FAM3B: variants seen among roughly 807,000 people sequenced by gnomAD.
FAM3B encodes the protein protein FAM3B.
In FAM3B, 29 loss-of-function variants were observed where a neutral mutation model predicts 28.4. The ratio of observed to expected loss-of-function variants is 1.02; its 90% CI spans 0.76 to 1.39. FAM3B has a LOEUF of 1.39. FAM3B is among the 40% of genes most tolerant of loss of function. The pLI is 0.00. For synonymous variants in FAM3B, 91 were observed against 103.0 expected, an observed-to-expected ratio of 0.88 and a Z score of 0.71; for missense variants, 266 against 293.9, an observed-to-expected ratio of 0.91 and a Z score of 0.69.
At chr21:41,352,248 T>C (rs1297260520) in intron 7 of FAM3B, among the ~76,000 whole-genome samples, 1 of 152,198 alleles carries the variant, frequency 6.6e-6, no homozygotes, top group Non-Finnish European at 1.5e-5. Flanking sequence ...CGTCTTTATA[T>C]TCCTGCTGTA....
At chr21:41,305,884 A>T (rs1466609421) in intron 1 of FAM3B, among the ~76,000 whole-genome samples, 1 of 152,226 alleles carries the variant, frequency 6.6e-6, no homozygotes, top group East Asian at 1.9e-4. Flanking sequence ...AGTTTGCCAC[A>T]TCAATTGACA....
rs750575195 is a variant in FAM3B at position 41,348,615 on chromosome 21, C to T, written c.509C>T (p.Ala170Val). 1 of 1,614,140 alleles carries T rather than the reference C, an allele frequency of 6.2e-7. No homozygotes were observed. The highest frequency in any genetic ancestry group is 1.3e-5 in the African/African-American group (1 of 75,030). The change falls in exon 7 of 8, where the codon GCC becomes GTC. Residue 170 changes from alanine to valine, a missense_variant. By Grantham distance (64) the Ala-to-Val change is moderately conservative (BLOSUM62 0). Coordinates refer to ENST00000357985, the MANE Select transcript of FAM3B (RefSeq NM_058186.4). Reference protein sequence around the residue: ...STRLNNDAKNAIEALGSKEIR... With the variant: ...STRLNNDAKNVIEALGSKEIR... ...AGACTGAATAACGATGCCAAGAATG[C>T]CATAGAAGCACTTGGAAGTAAAGAA...
intron 1 of FAM3B, among the ~76,000 whole-genome samples, chr21:41,322,362 A>C (rs947743102): frequency 6.6e-6 from 1 of 152,178 alleles, no homozygotes; most frequent in African/African-American, 2.4e-5. Flanking sequence ...ATCCGGGATG[A>C]TAGAACAGGT....
chr21:41,332,958 T>G (rs1381147739), intron 2 of FAM3B, among the ~76,000 whole-genome samples: 1 of 152,138 alleles, frequency 6.6e-6, no homozygotes, highest in Non-Finnish European at 1.5e-5. Flanking sequence ...TGTTGTCATT[T>G]TTTTCATTCT....
intron 7 of FAM3B, among the ~76,000 whole-genome samples, chr21:41,356,536 C>A (rs1243703965): frequency 6.6e-6 from 1 of 152,166 alleles, no homozygotes; most frequent in Non-Finnish European, 1.5e-5. Flanking sequence ...ACCTCCTTTG[C>A]ACCATTGTAA....
At chr21:41,324,172 C>T (rs1238056901) in intron 2 of FAM3B, among the ~76,000 whole-genome samples, 1 of 152,218 alleles carries the variant, frequency 6.6e-6, no homozygotes, top group African/African-American at 2.4e-5. Flanking sequence ...GTCCACAGCA[C>T]ATGAGTTGCA....
chr21:41,344,823 G>A (rs377675151), intron 4 of FAM3B, among the ~76,000 whole-genome samples: 3 of 152,218 alleles, frequency 2.0e-5, no homozygotes, highest in African/African-American at 4.8e-5. Context: ...CGCCAAGGGG[G>A]TGCAGCCTGT....
chr21:41,348,472 G>A, intron 6 of FAM3B, 120 bp from the exon 7 acceptor site: 1 of 1,086,706 alleles, frequency 9.2e-7, no homozygotes, highest in Non-Finnish European at 1.4e-6. Context: ...ACTGCAGCAG[G>A]AGATGAATGT....
At chr21:41,324,809 T>C (rs188953018) in intron 2 of FAM3B, among the ~76,000 whole-genome samples, 50 of 152,032 alleles carry the variant, frequency 3.3e-4, no homozygotes, top group Admixed American at 9.8e-4. Context: ...TGAACAAAAA[T>C]ATGCATTTGG....
In FAM3B at chr21:41,347,703, A is replaced by C. The variant is rs552174735; in HGVS notation, c.485+603A>C. Among the ~76,000 whole-genome samples, 31 of 149,482 alleles carry C rather than the reference A, an allele frequency of 2.1e-4. 2 individuals are homozygous for C. Among genetic ancestry groups the C allele is most frequent in the African/African-American group, 7.4e-4 (30 of 40,790 alleles). The stretch of plus-strand genomic sequence containing the variant: ...AGGAGGCGGAAGTTGCAGTGAGCCA[A>C]GATTGCACCACTGCACTCCAGCCCG... On this transcript the variant is annotated intron_variant, in intron 6 of 7. Transcript: ENST00000357985.
chr21:41,347,649 A>C (rs2089075185), intron 6 of FAM3B, among the ~76,000 whole-genome samples: 1 of 150,132 alleles, frequency 6.7e-6, no homozygotes, highest in Admixed American at 6.7e-5. Context: ...GCTACTCAGG[A>C]GGCTGAGGCA....
At chr21:41,341,687 T>A (rs1443923811) in intron 3 of FAM3B, among the ~76,000 whole-genome samples, 1 of 152,278 alleles carries the variant, frequency 6.6e-6, no homozygotes. Flanking sequence ...CATTGCTGTA[T>A]GATACTGCAT....
intron 3 of FAM3B, among the ~76,000 whole-genome samples, chr21:41,338,869 G>GT (rs2088979431): frequency 6.6e-6 from 1 of 152,224 alleles, no homozygotes; most frequent in African/African-American, 2.4e-5. Flanking sequence ...TGTGGGGCAC[G>GT]TGGGGGCATG....
At chr21:41,347,535 A>C (rs946698457) in intron 6 of FAM3B, among the ~76,000 whole-genome samples, 5 of 152,176 alleles carry the variant, frequency 3.3e-5, no homozygotes, top group Admixed American at 6.5e-5. Flanking sequence ...CAGGCGGATC[A>C]CGAGGTCAAG....
chr21:41,322,526 C>G, intron 1 of FAM3B: 1 of 705,868 alleles, frequency 1.4e-6, no homozygotes, highest in Non-Finnish European at 2.7e-6. Flanking sequence ...AATGTAATTG[C>G]AGGAGCGTGC....
Position 41,304,370 on chromosome 21 carries a change from C to A in FAM3B, n.99+60C>A. The A allele has an allele frequency of 8.8e-6, 4 of 452,734 alleles. 1 individual carries two copies. The highest frequency in any genetic ancestry group is 6.2e-5 in the South Asian group (4 of 64,282). The allele number at this position is 452,734 out of a possible 1,614,324, so 28.0% of individuals were successfully genotyped here. On this transcript the variant is annotated intron_variant and non_coding_transcript_variant, in intron 1 of 9. Coordinates refer to the FAM3B transcript ENST00000479810. ...GGATGGACGGGGCAGGACGCTGCCG[C>A]CTGCATCTGGGACCCTGAGCAGCCC...
At chr21:41,314,739 A>G (rs932044817), upstream of FAM3B, among the ~76,000 whole-genome samples, 2 of 147,348 alleles carry the variant, frequency 1.4e-5, no homozygotes, top group East Asian at 4.1e-4. Flanking sequence ...ATATCACTTC[A>G]TACCCATTAG....
intron 2 of FAM3B, among the ~76,000 whole-genome samples, chr21:41,328,589 C>T (rs981302157): frequency 2.6e-5 from 4 of 152,192 alleles, no homozygotes; most frequent in African/African-American, 7.2e-5. Flanking sequence ...GAGATCCATC[C>T]GCCTTAGCCT....
intron 6 of FAM3B, among the ~76,000 whole-genome samples, chr21:41,348,246 G>A (rs1213207442): frequency 6.6e-6 from 1 of 152,092 alleles, no homozygotes; most frequent in Non-Finnish European, 1.5e-5. Flanking sequence ...TTATTTTGTG[G>A]TCACTAAACA....
Sources: allele counts gnomAD v4.1 joint callset (sites outside exome capture counted in the v4.1 genomes callset), GRCh38; gene constraint gnomAD v4.1.1; transcripts MANE v1.5; gene names NCBI Gene and HGNC (gene_info 2026-07-23, HGNC 2026-07-21).